Variants in RAB33A observed in about 807,000 individuals in gnomAD.
RAB33A encodes ras-related protein Rab-33A.
A neutral mutation model predicts 12.0 loss-of-function variants in RAB33A; 6 were observed. The ratio of observed to expected loss-of-function variants is 0.50; its 90% CI spans 0.27 to 0.99. The LOEUF (loss-of-function observed/expected upper bound fraction) is 0.99, where lower values mean the gene tolerates loss of function less well. Ranked by LOEUF, RAB33A falls within the 50% of genes least tolerant of loss-of-function variation. The pLI is 0.11. For synonymous variants in RAB33A, 70 were observed against 82.4 expected (o/e 0.85, Z 0.81); for missense variants, 109 against 192.0 (o/e 0.57, Z 2.55).
chrX:130,161,840 C>G, the RAB33A span, among the ~76,000 whole-genome samples: 1 of 111,375 alleles, frequency 9.0e-6, no homozygotes, highest in South Asian at 3.7e-4. Flanking sequence ...CTTCCAACCT[C>G]AAGTGATCTG....
intron 1 of RAB33A, 87 bp downstream of exon 1, chrX:130,172,407 C>G (rs186193109): frequency 9.2e-7 from 1 of 1,085,408 alleles, no homozygotes; most frequent in East Asian, 3.1e-5. Flanking sequence ...CGTCGTCCAG[C>G]GTCCAGCGCG....
chrX:130,182,179 T>TATATATATACACACAC (rs370694549), intron 1 of RAB33A, among the ~76,000 whole-genome samples: 1 of 72,698 alleles, frequency 1.4e-5, no homozygotes, highest in Non-Finnish European at 2.4e-5. Context: ...TATATATATA[T>TATATATATACACACAC]ATACACATAT....
chrX:130,182,195 A>G (rs1365472233), intron 1 of RAB33A, among the ~76,000 whole-genome samples: 2 of 91,810 alleles, frequency 2.2e-5, no homozygotes, highest in African/African-American at 8.0e-5. Flanking sequence ...CATATATATA[A>G]CATATATACA....
chrX:130,174,378 G>A (rs2031642538), intron 1 of RAB33A, among the ~76,000 whole-genome samples: 1 of 112,152 alleles, frequency 8.9e-6, no homozygotes, highest in South Asian at 3.7e-4. Context: ...GCGTGTGGGA[G>A]TGGGGAGATG....
At chrX:130,182,189 T>C (rs2031737558) in intron 1 of RAB33A, among the ~76,000 whole-genome samples, 1 of 81,187 alleles carries the variant, frequency 1.2e-5, no homozygotes, top group Admixed American at 1.5e-4. Flanking sequence ...TATACACATA[T>C]ATATAACATA....
the RAB33A span, among the ~76,000 whole-genome samples, chrX:130,166,300 A>G: frequency 9.1e-6 from 1 of 109,904 alleles, no homozygotes; most frequent in Non-Finnish European, 1.9e-5. Flanking sequence ...TTCCCACCCA[A>G]CCCGTTTCCT....
At chrX:130,121,933 C>A in the RAB33A span, among the ~76,000 whole-genome samples, 2 of 112,179 alleles carry the variant, frequency 1.8e-5, no homozygotes, top group East Asian at 5.6e-4. Context: ...CATGGGCTTG[C>A]TTCAGGCGGG....
At chrX:130,117,314 C>T in the RAB33A span, among the ~76,000 whole-genome samples, 3 of 112,811 alleles carry the variant, frequency 2.7e-5, no homozygotes, top group African/African-American at 6.4e-5. Context: ...CAATTGTCTT[C>T]GAGCTGGACA....
At chrX:130,149,524 T>C in the RAB33A span, 2 of 1,211,224 alleles carry the variant, frequency 1.7e-6, no homozygotes, top group Non-Finnish European at 2.2e-6. Context: ...ACCCTGAAAT[T>C]CTTTCATTGT....
rs758729355 is a variant in RAB33A, at chrX:130,176,567, AG to A, written c.258+4248del. 3.4e-3 allele frequency among the ~76,000 whole-genome samples: 385 copies of A among 112,182 alleles called. 2 individuals are homozygous for A. The highest frequency in any genetic ancestry group is 0.012 in the African/African-American group (368 of 30,866). On this transcript the variant is annotated intron_variant, in intron 1 of 1. Coordinates refer to ENST00000257017, the MANE Select transcript of RAB33A (RefSeq NM_004794.3). ...TATCAAGTGGATGGAGGCTGAGCTAAGTGTTCCTTGGAAGCTGCCTGCAGTC... is the reference window on the plus strand; with the variant it reads ...TATCAAGTGGATGGAGGCTGAGCTAATGTTCCTTGGAAGCTGCCTGCAGTC...
chrX:130,177,724 A>G (rs1569426403), intron 1 of RAB33A, among the ~76,000 whole-genome samples: 1 of 111,386 alleles, frequency 9.0e-6, no homozygotes, highest in Non-Finnish European at 1.9e-5. Flanking sequence ...CACCTAACTT[A>G]TCTAAGGACA....
the RAB33A span, among the ~76,000 whole-genome samples, chrX:130,157,348 T>C: frequency 1.8e-5 from 2 of 112,283 alleles, no homozygotes; most frequent in Admixed American, 1.9e-4. Flanking sequence ...TTCTGTAGAT[T>C]TCTTTTTCTA....
the RAB33A span, chrX:130,147,708 G>C: frequency 8.3e-7 from 1 of 1,211,735 alleles, no homozygotes; most frequent in Non-Finnish European, 1.1e-6. Flanking sequence ...CTAAATGCTT[G>C]CAGACTGTAC....
the RAB33A span, among the ~76,000 whole-genome samples, chrX:130,141,695 C>T: frequency 9.0e-6 from 1 of 111,592 alleles, no homozygotes; most frequent in Non-Finnish European, 1.9e-5. Context: ...CTACGAATCA[C>T]TGTTTTGAGC....
rs371711856 is a variant in RAB33A at position 130,184,454 on chromosome X, T to G, written c.428T>G (p.Leu143Arg). 5.8e-6 allele frequency: 7 copies of G among 1,210,518 alleles called. No individual in the cohort carries two copies. Residue 143 changes from leucine to arginine, a missense_variant, in exon 2 of 2, where the codon CTA becomes CGA. Leu to Arg is a moderately radical substitution (Grantham distance 102, BLOSUM62 -2). Coordinates refer to ENST00000257017, the MANE Select transcript of RAB33A (RefSeq NM_004794.3). ...TGCAATGGGCATGCTGTGCCCCCAC[T>G]AGTCCCCAAAGTGCTTGTGGGCAAC... Reference protein sequence around the residue: ...QECNGHAVPPLVPKVLVGNKC... With the variant: ...QECNGHAVPPRVPKVLVGNKC...
At chrX:130,112,972 C>T in the RAB33A span, among the ~76,000 whole-genome samples, 1 of 108,721 alleles carries the variant, frequency 9.2e-6, no homozygotes, top group African/African-American at 3.4e-5. Context: ...TGTTTTGATA[C>T]AGGCATGCAA....
upstream of RAB33A, among the ~76,000 whole-genome samples, chrX:130,171,440 A>G (rs2031604530): frequency 8.9e-6 from 1 of 112,039 alleles, no homozygotes; most frequent in Non-Finnish European, 1.9e-5. Flanking sequence ...TGCTCCAGGG[A>G]GGCCGAAGTG....
the RAB33A span, among the ~76,000 whole-genome samples, chrX:130,151,921 C>A: frequency 9.1e-6 from 1 of 109,990 alleles, no homozygotes; most frequent in Admixed American, 9.7e-5. Context: ...CGCCTGTAAT[C>A]CCAGCTACTA....
At chrX:130,128,356 T>C in the RAB33A span, among the ~76,000 whole-genome samples, 1 of 111,267 alleles carries the variant, frequency 9.0e-6, no homozygotes. Flanking sequence ...GCAGATAACC[T>C]GAGATAGGGA....
Sources: gnomAD v4.1 joint callset for allele counts (sites outside exome capture counted in the v4.1 genomes callset) on GRCh38, gnomAD v4.1.1 for gene constraint, MANE v1.5 for transcripts, NCBI Gene and HGNC (gene_info 2026-07-23, HGNC 2026-07-21) for gene names.